Variants in BRIP1 observed in about 807,000 individuals in gnomAD.
The protein encoded by BRIP1 is Fanconi anemia group J protein.
A neutral mutation model predicts 119.7 loss-of-function variants in BRIP1; 88 were observed. That is an observed-to-expected ratio of 0.74 (90% CI 0.62 to 0.88). The LOEUF (loss-of-function observed/expected upper bound fraction) is 0.88. Among genes scored for constraint, BRIP1 ranks in the 40% least tolerant of loss-of-function variants. The probability of loss-of-function intolerance (pLI) is 0.00; values close to 1 mark genes in which losing one functional copy is unlikely to be tolerated. For missense variants in BRIP1, 1,259 were observed against 1,455.4 expected (o/e 0.87, Z 2.20); for synonymous variants, 443 against 496.5 (o/e 0.89, Z 1.43).
rs2077882382 is a variant in BRIP1, at chr17:61,795,274, GTACA to G, written c.1341-1549_1341-1546del. Among the ~76,000 whole-genome samples, 1 of 151,974 alleles carries G rather than the reference GTACA, an allele frequency of 6.6e-6. No homozygotes were observed. The highest frequency in any genetic ancestry group is 6.6e-5 in the Admixed American group (1 of 15,246). On this transcript the variant is annotated intron_variant, in intron 9 of 19. Coordinates refer to ENST00000259008, the MANE Select transcript of BRIP1 (RefSeq NM_032043.3). This position sits in a 1 kb window ranked among gnomAD's most constrained non-coding sequence, Gnocchi z 5.6. The stretch of plus-strand genomic sequence containing the variant: ...TATATTCTTTTAGTTATTTTTAAAT[GTACA>G]GTTAAATCATTATTGACTATAGTCA...
In BRIP1 at chr17:61,776,208, C is replaced by T; in HGVS notation, c.2097+193G>A. On this transcript the variant is annotated intron_variant, in intron 14 of 19. Transcript: ENST00000259008. The surrounding 1 kb of genome is among the most constrained non-coding windows in gnomAD (Gnocchi z 5.0). ...TGCTCTTTCAGACTTTTAAGTAAAA[C>T]AGAGGTAGGACAATCAGGCAGTATC... 1 of 629,958 alleles carries T rather than the reference C, an allele frequency of 1.6e-6. No homozygotes were observed. The highest frequency in any genetic ancestry group is 3.0e-5 in the Admixed American group (1 of 33,388). 39.0% of individuals were successfully genotyped at this position (629,958 alleles called of 1,614,324 possible).
chr17:61,812,623 T>C (rs1433547607), intron 6 of BRIP1, among the ~76,000 whole-genome samples: 2 of 150,604 alleles, frequency 1.3e-5, no homozygotes, highest in Non-Finnish European at 3.0e-5. Context: ...AAACAGGAGA[T>C]ACATGTGGAT....
rs140952657 is a variant in BRIP1 at position 61,807,069 on chromosome 17, T to A, written c.918+1398A>T. Among the ~76,000 whole-genome samples the A allele has an allele frequency of 2.6e-4, 39 of 152,314 alleles. No homozygotes were observed. In the East Asian group the frequency reaches 7.1e-3, roughly 28 times the overall value. On this transcript the variant is annotated intron_variant, in intron 7 of 19. Transcript: ENST00000259008. The surrounding 1 kb of genome is among the most constrained non-coding windows in gnomAD (Gnocchi z 4.5). ...AAAAAAGATAAAAATATGGTGACAA[T>A]GCCAGCAAGTCTTCTTGCATAGGCT...
In BRIP1 at chr17:61,859,888, C is replaced by T. The variant is rs1555618429; in HGVS notation, c.113G>A (p.Ser38Asn). ...MMNSILRGLN[S>N]KQHCLLESPT... ...ACTCTCCAACAAACAATGTTGCTTG[C>T]TGTTTAATCCTCTGAGAATCTATGA... The change falls in exon 3 of 20, where the codon AGC (serine) becomes AAC (asparagine). Residue 38 changes from serine (S) to asparagine (N), a missense_variant. Around this residue, in one of 3 missense-constraint regions of BRIP1, gnomAD observed 501 missense variants for 544.0 expected, o/e 0.92. Transcript: ENST00000259008. The T allele has an allele frequency of 6.2e-7, 1 of 1,612,038 alleles. No homozygotes were observed. The highest frequency in any genetic ancestry group is 8.5e-7 in the Non-Finnish European group (1 of 1,178,152).
rs918847930 is a variant in BRIP1 at position 61,757,089 on chromosome 17, A to G, written c.2098-12498T>C. Among the ~76,000 whole-genome samples the G allele has an allele frequency of 3.9e-5, 6 of 152,198 alleles. No individual in the cohort carries two copies. The highest frequency in any genetic ancestry group is 8.8e-5 in the Non-Finnish European group (6 of 68,028). ...GTTTACTTTCTTTTATTCAGTTGAT[A>G]TGTACCCATATGTGGCATATGTTAG... On this transcript the variant is annotated intron_variant, in intron 14 of 19. Coordinates refer to ENST00000259008, the MANE Select transcript of BRIP1 (RefSeq NM_032043.3). This position sits in a 1 kb window ranked among gnomAD's most constrained non-coding sequence, Gnocchi z 4.3.
In BRIP1 at chr17:61,695,015, G is replaced by A. The variant is rs2061501325; in HGVS notation, c.2493-1503C>T. On this transcript the variant is annotated intron_variant, in intron 17 of 19. Coordinates refer to ENST00000259008, the MANE Select transcript of BRIP1 (RefSeq NM_032043.3). The surrounding 1 kb of genome is among the most constrained non-coding windows in gnomAD (Gnocchi z 4.3). ...ACTGTCCTTTGAAGAATAAAAATTT[G>A]AACTGTAACAAAGTCCAATTTATCT... 6.6e-6 allele frequency among the ~76,000 whole-genome samples: 1 copy of A among 151,498 alleles called. No individual in the cohort carries two copies. Among genetic ancestry groups the A allele is most frequent in the East Asian group, 1.9e-4 (1 of 5,178 alleles).
Position 61,693,360 on chromosome 17 carries a change from G to T in BRIP1, c.2575+70C>A. The T allele has an allele frequency of 7.6e-7, 1 of 1,310,930 alleles. No homozygotes were observed. Among genetic ancestry groups the T allele is most frequent in the Non-Finnish European group, 1.1e-6 (1 of 904,420 alleles). 81.2% of individuals were successfully genotyped at this position (1,310,930 alleles called of 1,614,324 possible). A position where few individuals can be genotyped will look rare whatever the true frequency, so the allele number is the denominator to read the frequency against. On this transcript the variant is annotated intron_variant, in intron 18 of 19. Transcript: ENST00000259008. The surrounding 1 kb of genome is among the most constrained non-coding windows in gnomAD (Gnocchi z 4.2). ...AATAAGATAGTAGAGCTCATGTTAT[G>T]TGTTTTTCACCACAATAAAAATATG...
chr17:61,861,621 C>G lies in BRIP1; in HGVS notation c.-30-52G>C. ...ATTGAGACACGCCTTACAAAGAAAA[C>G]CAGAGAACCAAAACTAAGGGAGAAA... is the stretch of plus-strand genomic sequence containing the variant. On this transcript the variant is annotated intron_variant, in intron 1 of 19. Transcript: ENST00000259008. This position sits in a 1 kb window ranked among gnomAD's most constrained non-coding sequence, Gnocchi z 4.5. The G allele has an allele frequency of 9.7e-7, 1 of 1,026,822 alleles. No homozygotes were observed. Among genetic ancestry groups the G allele is most frequent in the East Asian group, 2.4e-5 (1 of 41,540 alleles). The allele number at this position is 1,026,822 out of a possible 1,614,324, so 63.6% of individuals were successfully genotyped here.
In BRIP1 at chr17:61,808,813, T is replaced by C. The variant is rs907187988; in HGVS notation, c.628-56A>G. 19 of 1,535,254 alleles carry C rather than the reference T, an allele frequency of 1.2e-5. No homozygotes were observed. The highest frequency in any genetic ancestry group is 1.7e-5 in the Admixed American group (1 of 59,220). On this transcript the variant is annotated intron_variant, in intron 6 of 19. Transcript: ENST00000259008. The surrounding 1 kb of genome is among the most constrained non-coding windows in gnomAD (Gnocchi z 4.1). Reference sequence around the variant, plus strand: ...ATCTAAACTACCATAAAAAACGTTATCAAACCTCACATGGAATCAGAACCT... The same window carrying C: ...ATCTAAACTACCATAAAAAACGTTACCAAACCTCACATGGAATCAGAACCT...
At position 61,846,228 on chromosome 17, in the gene BRIP1, G is replaced by T. The variant is rs143883977; in HGVS notation, c.627+873C>A. On this transcript the variant is annotated intron_variant, in intron 6 of 19. Transcript: ENST00000259008. This position sits in a 1 kb window ranked among gnomAD's most constrained non-coding sequence, Gnocchi z 4.3. ...AAATTTAAAAAATTATATACATATAGAGAGAGAGAGAGAGAAAAAGAGAGA... is the reference window on the plus strand; with the variant it reads ...AAATTTAAAAAATTATATACATATATAGAGAGAGAGAGAGAAAAAGAGAGA... Among the ~76,000 whole-genome samples the T allele has an allele frequency of 5.4e-4, 78 of 143,762 alleles. No homozygotes were observed. The East Asian group carries it at 6.3e-3, about 12-fold the overall frequency. 94.3% of individuals were successfully genotyped at this position (143,762 alleles called of 152,430 possible).
In BRIP1 at chr17:61,861,345, C is replaced by G. The variant is rs983466034; in HGVS notation, c.93+102G>C. The G allele has an allele frequency of 2.1e-5, 17 of 811,984 alleles. No homozygotes were observed. The African/African-American group carries it at 2.6e-4, about 12-fold the overall frequency. The allele number at this position is 811,984 out of a possible 1,614,324, so 50.3% of individuals were successfully genotyped here. A position where few individuals can be genotyped will look rare whatever the true frequency, so the allele number is the denominator to read the frequency against. On this transcript the variant is annotated intron_variant, in intron 2 of 19. Coordinates refer to ENST00000259008, the MANE Select transcript of BRIP1 (RefSeq NM_032043.3). The surrounding 1 kb of genome is among the most constrained non-coding windows in gnomAD (Gnocchi z 4.5). ...CTTCCAAGTGAACCCAGAAAATATT[C>G]TCCATTTACTGAGAATATGAATGCA...
rs572823478 is a variant in BRIP1 at position 61,760,482 on chromosome 17, G to A, written c.2098-15891C>T. Among the ~76,000 whole-genome samples the A allele has an allele frequency of 6.6e-6, 1 of 151,692 alleles. No individual in the cohort carries two copies. Among genetic ancestry groups the A allele is most frequent in the Non-Finnish European group, 1.5e-5 (1 of 67,776 alleles). ...GTAGAGACTAGGAAAACAACACAAA[G>A]ATCAACAAAACTATGAATTGGTTTT... is the stretch of plus-strand genomic sequence containing the variant. On this transcript the variant is annotated intron_variant, in intron 14 of 19. Transcript: ENST00000259008. The surrounding 1 kb of genome is among the most constrained non-coding windows in gnomAD (Gnocchi z 4.6).
At position 61,683,557 on chromosome 17, in the gene BRIP1, A is replaced by G. The variant is rs144245485; in HGVS notation, c.3489T>C (p.Asp1163=). ...DRGNRLANNS[D]CILAKDLFEI... ...CAAAAAGGTCTTTAGCTAAAATGCAATCTGAATTGTTAGCCAATCTATTTC... is the reference window on the plus strand; with the variant it reads ...CAAAAAGGTCTTTAGCTAAAATGCAGTCTGAATTGTTAGCCAATCTATTTC... The change falls in exon 20 of 20, where the codon GAT becomes GAC. Residue 1163 remains aspartate (D), a synonymous_variant. Coordinates refer to ENST00000259008, the MANE Select transcript of BRIP1 (RefSeq NM_032043.3). This position sits in a 1 kb window ranked among gnomAD's most constrained non-coding sequence, Gnocchi z 4.7. 9.9e-6 allele frequency: 16 copies of G among 1,613,096 alleles called. No individual in the cohort carries two copies. The highest frequency in any genetic ancestry group is 1.4e-5 in the Non-Finnish European group (16 of 1,179,982).
intron 11 of BRIP1, among the ~76,000 whole-genome samples, chr17:61,782,711 A>G (rs2077642802): frequency 2.3e-4 from 1 of 4,380 alleles, no homozygotes; most frequent in Non-Finnish European, 2.2e-3. Flanking sequence ...TTCAATAGAT[A>G]TTTCTCCAAA....
At chr17:61,733,225 TTAAGAATTC>T in intron 16 of BRIP1, among the ~76,000 whole-genome samples, 1 of 152,118 alleles carries the variant, frequency 6.6e-6, no homozygotes, top group Non-Finnish European at 1.5e-5. Flanking sequence ...TCTGTTAGAT[TTAAGAATTC>T]TAATACAGCC....
At chr17:61,840,696 A>G (rs941030026) in intron 6 of BRIP1, among the ~76,000 whole-genome samples, 24 of 152,212 alleles carry the variant, frequency 1.6e-4, no homozygotes, top group Admixed American at 1.3e-4. Context: ...ATCCCTATCA[A>G]AATACCAATA....
chr17:61,767,406 A>G lies in BRIP1; in HGVS notation c.2097+8995T>C, dbSNP rs567024812. 6.6e-6 allele frequency among the ~76,000 whole-genome samples: 1 copy of G among 152,062 alleles called. No individual in the cohort carries two copies. Among genetic ancestry groups the G allele is most frequent in the Admixed American group, 6.6e-5 (1 of 15,260 alleles). ...ATCCTCCCATCTCAGCCTCCTAAGT[A>G]GCTGGGACTCACAACACCACACCTG... On this transcript the variant is annotated intron_variant, in intron 14 of 19. Transcript: ENST00000259008. This position sits in a 1 kb window ranked among gnomAD's most constrained non-coding sequence, Gnocchi z 5.7.
rs570812621 is a variant in BRIP1 at position 61,752,012 on chromosome 17, A to AC, written c.2098-7422dup. Reference sequence around the variant, plus strand: ...TCGAACTCCTGACCTCAGGTGATCCACCCCTCAGCCTCCCAAAGTGCCGGG... The same window carrying AC: ...TCGAACTCCTGACCTCAGGTGATCCACCCCCTCAGCCTCCCAAAGTGCCGGG... On this transcript the variant is annotated intron_variant, in intron 14 of 19. Transcript: ENST00000259008. This position sits in a 1 kb window ranked among gnomAD's most constrained non-coding sequence, Gnocchi z 6.2. Among the ~76,000 whole-genome samples, 153 of 152,058 alleles carry AC rather than the reference A, an allele frequency of 1.0e-3. No homozygotes were observed. Among genetic ancestry groups the AC allele is most frequent in the African/African-American group, 3.4e-3 (140 of 41,492 alleles).
chr17:61,780,407 A>G lies in BRIP1; in HGVS notation c.1795-6T>C, dbSNP rs1232299780. 1 of 1,604,908 alleles carries G rather than the reference A, an allele frequency of 6.2e-7. No individual in the cohort carries two copies. The highest frequency in any genetic ancestry group is 1.7e-5 in the Admixed American group (1 of 60,008). On this transcript the variant is annotated splice_region_variant and splice_polypyrimidine_tract_variant and intron_variant, in intron 12 of 19. Coordinates refer to ENST00000259008, the MANE Select transcript of BRIP1 (RefSeq NM_032043.3). The surrounding 1 kb of genome is among the most constrained non-coding windows in gnomAD (Gnocchi z 5.4). ...CCATTAATATCTGAAAAGGCCTAAA[A>G]GAAAACAACATTAGATAAATAAAAT...
Sources: allele counts gnomAD v4.1 joint callset (sites outside exome capture counted in the v4.1 genomes callset), GRCh38; gene constraint gnomAD v4.1.1; regional missense constraint gnomAD v4.1.1; non-coding constraint Gnocchi (gnomAD v3.1); transcripts MANE v1.5; gene names NCBI Gene and HGNC (gene_info 2026-07-23, HGNC 2026-07-21).